Variants in SLCO1B3 observed in about 807,000 individuals in gnomAD.
SLCO1B3 encodes solute carrier organic anion transporter family member 1B3.
Under a neutral mutation model 71.8 loss-of-function variants are expected in SLCO1B3, and 72 were observed. That is an observed-to-expected ratio of 1.00 (90% CI 0.83 to 1.22). The LOEUF (loss-of-function observed/expected upper bound fraction) is 1.22, where lower values mean the gene tolerates loss of function less well. Ranked by LOEUF, SLCO1B3 falls within the 50% of genes most tolerant of loss-of-function variation. The probability of loss-of-function intolerance (pLI) is 0.00; values close to 1 mark genes in which losing one functional copy is unlikely to be tolerated. For missense variants in SLCO1B3, 911 were observed against 819.7 expected, an observed-to-expected ratio of 1.11 and a Z score of -1.36; for synonymous variants, 298 against 278.4, an observed-to-expected ratio of 1.07 and a Z score of -0.70.
intron 13 of SLCO1B3, among the ~76,000 whole-genome samples, chr12:20,883,988 C>A (rs73233624): frequency 0.01 from 1,555 of 152,206 alleles, 24 homozygotes; most frequent in African/African-American, 0.035. Context: ...ATTTAGCAAC[C>A]AGGTATAAAT....
chr12:20,889,426 G>A (rs1243266812), intron 13 of SLCO1B3, among the ~76,000 whole-genome samples: 3 of 151,888 alleles, frequency 2.0e-5, no homozygotes, highest in Admixed American at 6.6e-5. Context: ...TGGTTCAAAC[G>A]TGTGAGGTTG....
intron 3 of SLCO1B3, among the ~76,000 whole-genome samples, chr12:20,837,154 G>C (rs1157603737): frequency 1.3e-5 from 2 of 151,842 alleles, no homozygotes; most frequent in Non-Finnish European, 2.9e-5. Context: ...ATTTGTAGTG[G>C]TATCCCCTCT....
Position 20,880,896 on chromosome 12 carries a change from A to T in SLCO1B3, c.1373A>T (p.Tyr458Phe), listed in dbSNP as rs140093214. 21 of 1,610,020 alleles carry T rather than the reference A, an allele frequency of 1.3e-5. No homozygotes were observed. Among genetic ancestry groups the T allele is most frequent in the Non-Finnish European group, 1.7e-5 (20 of 1,176,914 alleles). ...VASHVDVPLS[Y>F]CNSECNCDES... ...TCTCATGTAGATGTACCACTTTCTT[A>T]TTGCAACTCAGAGTGCAATTGTGAT... The change falls in exon 12 of 16, where the codon TAT (tyrosine) becomes TTT (phenylalanine). Residue 458 changes from tyrosine (Y) to phenylalanine (F), a missense_variant. Tyr to Phe is a conservative substitution (Grantham distance 22, BLOSUM62 3). Coordinates refer to ENST00000381545, the MANE Select transcript of SLCO1B3 (RefSeq NM_019844.4).
At chr12:20,851,350 G>A (rs1469807191) in intron 3 of SLCO1B3, among the ~76,000 whole-genome samples, 1 of 152,104 alleles carries the variant, frequency 6.6e-6, no homozygotes, top group African/African-American at 2.4e-5. Context: ...TCTTTGAATA[G>A]TGAGTATTCT....
At chr12:20,827,822 C>T (rs2121116561) in intron 3 of SLCO1B3, among the ~76,000 whole-genome samples, 1 of 152,234 alleles carries the variant, frequency 6.6e-6, no homozygotes, top group Admixed American at 6.5e-5. Context: ...CCCGCCTTGG[C>T]CTTCCAAAGT....
At chr12:20,829,372 T>C (rs1467056885) in intron 3 of SLCO1B3, among the ~76,000 whole-genome samples, 2 of 152,218 alleles carry the variant, frequency 1.3e-5, no homozygotes, top group Non-Finnish European at 2.9e-5. Context: ...TCACCTTCCC[T>C]GCGGGAAGTG....
chr12:20,815,306 G>A (rs1408340547), intron 2 of SLCO1B3, among the ~76,000 whole-genome samples: 1 of 151,958 alleles, frequency 6.6e-6, no homozygotes, highest in African/African-American at 2.4e-5. Context: ...TAAGGATAAC[G>A]TAAACATAAA....
In SLCO1B3 at chr12:20,881,031, G is replaced by GTT. The variant is rs1865684525; in HGVS notation, c.1497+14_1497+15dup. 3 of 1,568,142 alleles carry GTT rather than the reference G, an allele frequency of 1.9e-6. No individual in the cohort carries two copies. Among genetic ancestry groups the GTT allele is most frequent in the African/African-American group, 1.4e-5 (1 of 72,712 alleles). On this transcript the variant is annotated intron_variant, in intron 12 of 15. Transcript: ENST00000381545. The stretch of plus-strand genomic sequence containing the variant: ...ATTAAAAAGCATACAGTGAGTATTA[G>GTT]TTTTCACTTTTTCTCCTCTCCTTAA...
intron 3 of SLCO1B3, chr12:20,845,139 T>C: frequency 2.2e-6 from 1 of 455,670 alleles, no homozygotes; most frequent in Admixed American, 2.3e-5. Flanking sequence ...ACTTAGACTA[T>C]GTCATTGAGC....
At chr12:20,844,380 A>T (rs1279729186) in intron 3 of SLCO1B3, among the ~76,000 whole-genome samples, 2 of 151,928 alleles carry the variant, frequency 1.3e-5, no homozygotes, top group Non-Finnish European at 2.9e-5. Context: ...CAGCCTGGCC[A>T]AGGTTGTGAA....
At chr12:20,819,987 A>T (rs1481675246) in intron 3 of SLCO1B3, among the ~76,000 whole-genome samples, 1 of 152,080 alleles carries the variant, frequency 6.6e-6, no homozygotes, top group Non-Finnish European at 1.5e-5. Flanking sequence ...TCGGCCTAAT[A>T]AGGGAACTGG....
intron 5 of SLCO1B3, among the ~76,000 whole-genome samples, chr12:20,859,203 G>C (rs12582527): frequency 1.6e-4 from 24 of 152,162 alleles, no homozygotes; most frequent in Non-Finnish European, 2.6e-4. Context: ...CAAGAACAAA[G>C]AGTGCACACA....
intron 12 of SLCO1B3, 31 bp downstream of exon 12, chr12:20,881,051 CCTT>C: frequency 6.8e-7 from 1 of 1,471,036 alleles, no homozygotes; most frequent in Non-Finnish European, 9.3e-7. Context: ...TTTCTCCTCT[CCTT>C]AATCAAAATC....
intron 4 of SLCO1B3, among the ~76,000 whole-genome samples, chr12:20,855,644 T>TGGG (rs1338820833): frequency 2.4e-5 from 3 of 123,078 alleles, no homozygotes; most frequent in Non-Finnish European, 3.6e-5. Context: ...TGTACAACAT[T>TGGG]GGGGGTTTAA....
chr12:20,812,555 A>G (rs560240353), intron 1 of SLCO1B3, among the ~76,000 whole-genome samples: 1 of 152,338 alleles, frequency 6.6e-6, no homozygotes, highest in Admixed American at 6.5e-5. Flanking sequence ...GGTTCCATAC[A>G]TCTGCAAGTG....
chr12:20,881,067 AGATTT>A (rs755557622), intron 12 of SLCO1B3, 47 bp downstream of exon 12: 2 of 1,351,426 alleles, frequency 1.5e-6, no homozygotes, highest in Admixed American at 4.3e-5. Flanking sequence ...TCAAAATCAC[AGATTT>A]GATTTAATAA....
At chr12:20,826,646 A>G (rs1432111707) in intron 3 of SLCO1B3, among the ~76,000 whole-genome samples, 1 of 150,496 alleles carries the variant, frequency 6.6e-6, no homozygotes, top group Non-Finnish European at 1.5e-5. Context: ...GTGTTATCCT[A>G]AAGGTACCTC....
chr12:20,833,578 A>G (rs1243684509), intron 3 of SLCO1B3, among the ~76,000 whole-genome samples: 1 of 148,628 alleles, frequency 6.7e-6, no homozygotes, highest in Non-Finnish European at 1.5e-5. Context: ...ATACATGAAT[A>G]TATACATATA....
chr12:20,880,772 C>G (rs896556309), intron 11 of SLCO1B3, 83 bp from the exon 12 acceptor site: 8 of 879,812 alleles, frequency 9.1e-6, no homozygotes, highest in Non-Finnish European at 8.4e-6. Flanking sequence ...TTTCCCCTCT[C>G]CTTATCCCCT....
Sources: gnomAD v4.1 joint callset for allele counts (sites outside exome capture counted in the v4.1 genomes callset) on GRCh38, gnomAD v4.1.1 for gene constraint, MANE v1.5 for transcripts, NCBI Gene and HGNC (gene_info 2026-07-23, HGNC 2026-07-21) for gene names.